The following RNF149 variants were observed in gnomAD, a reference collection of about 807,000 sequenced individuals.
The protein encoded by RNF149 is E3 ubiquitin-protein ligase RNF149.
In RNF149, 21 loss-of-function variants were observed where a neutral mutation model predicts 39.0. The observed-to-expected ratio is 0.54, with a 90% CI of 0.38 to 0.77. The LOEUF is 0.77. Ranked by LOEUF, RNF149 falls within the 30% of genes least tolerant of loss-of-function variation. RNF149 has a pLI of 0.00. For missense variants in RNF149, 493 were observed against 534.9 expected (o/e 0.92, Z 0.77); for synonymous variants, 209 against 213.6 (o/e 0.98, Z 0.19).
At chr2:101,286,364 G>T in intron 4 of RNF149, 187 bp from the exon 5 acceptor site, 3 of 441,028 alleles carry the variant, frequency 6.8e-6, no homozygotes, top group Non-Finnish European at 8.2e-6. Context: ...GCACTTCTAG[G>T]GAAATTTTCC....
intron 6 of RNF149, among the ~76,000 whole-genome samples, chr2:101,277,726 A>G (rs1682402408): frequency 6.6e-6 from 1 of 152,214 alleles, no homozygotes; most frequent in Non-Finnish European, 1.5e-5. Context: ...TGGAAAACTG[A>G]TAACCCATTC....
At chr2:101,303,612 C>G (rs2104437538) in intron 1 of RNF149, among the ~76,000 whole-genome samples, 2 of 152,134 alleles carry the variant, frequency 1.3e-5, no homozygotes, top group Admixed American at 1.3e-4. Context: ...TAATTTTATT[C>G]TTATACCTCT....
intron 1 of RNF149, among the ~76,000 whole-genome samples, chr2:101,295,620 C>A (rs1176847909): frequency 6.8e-6 from 1 of 146,238 alleles, no homozygotes; most frequent in Non-Finnish European, 1.5e-5. Flanking sequence ...GAGATCGCGC[C>A]ACTGCACTCC....
chr2:101,295,308 A>T, intron 1 of RNF149, 127 bp from the exon 2 acceptor site: 1 of 776,212 alleles, frequency 1.3e-6, no homozygotes. Flanking sequence ...CATGGGAAAC[A>T]TAAGTTACCA....
Position 101,304,478 on chromosome 2 carries a change from T to G in RNF149, c.460+3651A>C, listed in dbSNP as rs76777128. On this transcript the variant is annotated intron_variant, in intron 1 of 6. Transcript: ENST00000295317. ...CTGTGCATACTGGAATTATATGAGG[T>G]CCAAACCATATTGTCTGGAAAGTTC... Among the ~76,000 whole-genome samples, 562 of 152,212 alleles carry G rather than the reference T, an allele frequency of 3.7e-3. 4 individuals are homozygous for G. Among genetic ancestry groups the G allele is most frequent in the African/African-American group, 0.012 (516 of 41,534 alleles).
At chr2:101,295,390 G>A (rs1358901016) in intron 1 of RNF149, among the ~76,000 whole-genome samples, 4 of 152,170 alleles carry the variant, frequency 2.6e-5, no homozygotes, top group South Asian at 2.1e-4. Context: ...TCCCCTGGCC[G>A]GGCACGGTGC....
At chr2:101,300,374 A>G (rs530025378) in intron 1 of RNF149, among the ~76,000 whole-genome samples, 9 of 152,306 alleles carry the variant, frequency 5.9e-5, no homozygotes, top group Admixed American at 2.6e-4. Context: ...TACAATCTCA[A>G]GGCTGGGGGT....
chr2:101,293,885 T>C (rs960825042), intron 3 of RNF149, 129 bp downstream of exon 3: 2 of 592,804 alleles, frequency 3.4e-6, no homozygotes, highest in Non-Finnish European at 3.1e-6. Flanking sequence ...GTGGCTACCA[T>C]ATTAATGCAG....
chr2:101,303,104 A>G (rs1389841520), intron 1 of RNF149, among the ~76,000 whole-genome samples: 1 of 151,952 alleles, frequency 6.6e-6, no homozygotes, highest in Non-Finnish European at 1.5e-5. Context: ...GTCTTCCTAT[A>G]GCACCAAAAT....
chr2:101,293,929 C>T (rs1388466836), intron 3 of RNF149, 85 bp downstream of exon 3: 2 of 755,118 alleles, frequency 2.6e-6, no homozygotes, highest in Non-Finnish European at 4.4e-6. Flanking sequence ...CAAAATATTT[C>T]TGCCAATCCT....
rs1346171351 is a variant in RNF149 at position 101,296,897 on chromosome 2, G to T, written c.461-1716C>A. Among the ~76,000 whole-genome samples the T allele has an allele frequency of 4.6e-5, 7 of 152,000 alleles. 1 individual carries two copies. In the South Asian group the frequency reaches 1.2e-3, roughly 27 times the overall value. ...ATGAAAATTTTCACCATGAGTAAAA[G>T]CAAAACCAAGTTCAAAAGAGTAAAT... On this transcript the variant is annotated intron_variant, in intron 1 of 6. Transcript: ENST00000295317.
At chr2:101,282,169 A>G (rs1355915184) in intron 5 of RNF149, 112 bp from the exon 6 acceptor site, 1 of 1,455,966 alleles carries the variant, frequency 6.9e-7, no homozygotes, top group African/African-American at 1.4e-5. Flanking sequence ...CTGTACAATG[A>G]ATCTGGCAAA....
intron 3 of RNF149, among the ~76,000 whole-genome samples, chr2:101,290,381 G>A (rs1401503135): frequency 6.6e-6 from 1 of 152,128 alleles, no homozygotes; most frequent in Non-Finnish European, 1.5e-5. Flanking sequence ...TCTCTAGAAT[G>A]GAATATGATG....
downstream of RNF149, among the ~76,000 whole-genome samples, chr2:101,272,454 T>C (rs1254819834): frequency 2.0e-5 from 3 of 152,216 alleles, no homozygotes; most frequent in Non-Finnish European, 4.4e-5. Context: ...TTAGTATTTT[T>C]CAAAATATGG....
Position 101,286,110 on chromosome 2 carries a change from G to C in RNF149, c.931C>G (p.Leu311Val). The C allele has an allele frequency of 6.2e-7, 1 of 1,611,436 alleles. No individual in the cohort carries two copies. Among genetic ancestry groups the C allele is most frequent in the Non-Finnish European group, 8.5e-7 (1 of 1,177,768 alleles). The change falls in exon 5 of 7, where the codon CTT (leucine) becomes GTT (valine). Residue 311 changes from leucine to valine, a missense_variant. Leu to Val is a conservative substitution (Grantham distance 32). Transcript: ENST00000295317. The part of the protein sequence containing the change: ...LDHRTCPMCK[L>V]DVIKALGYWG... Reference sequence around the variant, plus strand: ...TATCCTAGGGCTTTGATGACATCAAGTTTACACATTGGACATGTTCGGTGA... The same window carrying C: ...TATCCTAGGGCTTTGATGACATCAACTTTACACATTGGACATGTTCGGTGA...
intron 4 of RNF149, 105 bp downstream of exon 4, chr2:101,288,856 AAGAGATGATCAC>A: frequency 1.7e-6 from 1 of 605,660 alleles, no homozygotes; most frequent in Non-Finnish European, 2.9e-6. Context: ...TTCTAAAAAG[AAGAGATGATCAC>A]AAATTACAAG....
At chr2:101,272,860 T>G, downstream of RNF149, 1 of 991,906 alleles carries the variant, frequency 1.0e-6, no homozygotes, top group Non-Finnish European at 1.4e-6. Flanking sequence ...GAAGGTCTAT[T>G]ATTATTTTTA....
In RNF149 at chr2:101,277,266, T is replaced by C. The variant is rs377446243; in HGVS notation, c.1175A>G (p.Asp392Gly). Residue 392 changes from aspartate to glycine, a missense_variant, in exon 7 of 7, where the codon GAC becomes GGC. Coordinates refer to ENST00000295317, the MANE Select transcript of RNF149 (RefSeq NM_173647.4). ...GGAGATGGGTCCTCCATGCCGAGAG[T>C]CACTCCTGCCGGCTTCTGCAAGAGA... Reference protein sequence around the residue: ...NTALLEAGRSDSRHGGPIS With the variant: ...NTALLEAGRSGSRHGGPIS 5.6e-6 allele frequency: 9 copies of C among 1,612,990 alleles called. No individual in the cohort carries two copies. The highest frequency in any genetic ancestry group is 7.6e-6 in the Non-Finnish European group (9 of 1,179,572).
chr2:101,273,764 C>T (rs1041985719), downstream of RNF149, among the ~76,000 whole-genome samples: 2 of 152,204 alleles, frequency 1.3e-5, no homozygotes, highest in African/African-American at 4.8e-5. Flanking sequence ...TCAACCACCA[C>T]ACCTGGCCTG....
Sources: allele counts gnomAD v4.1 joint callset (sites outside exome capture counted in the v4.1 genomes callset), GRCh38; gene constraint gnomAD v4.1.1; transcripts MANE v1.5; gene names NCBI Gene and HGNC (gene_info 2026-07-23, HGNC 2026-07-21).